The following CCT5 variants were observed in gnomAD, a reference collection of about 807,000 sequenced individuals.
CCT5 encodes chaperonin containing TCP1 subunit 5.
CCT5 carries 6 observed loss-of-function variants against 55.0 expected under a neutral mutation model. The ratio of observed to expected loss-of-function variants is 0.11; its 90% CI spans 0.06 to 0.22. The LOEUF is 0.22. Among genes scored for constraint, CCT5 ranks in the 10% least tolerant of loss-of-function variants. The pLI is 1.00. For synonymous variants in CCT5, 231 were observed against 243.7 expected (o/e 0.95, Z 0.49); for missense variants, 560 against 694.6 (o/e 0.81, Z 2.18).
In CCT5 at chr5:10,254,183, G is replaced by A; in HGVS notation, c.144G>A (p.Met48Ile). The A allele has an allele frequency of 6.2e-7, 1 of 1,609,486 alleles. No homozygotes were observed. Reference sequence around the variant, plus strand: ...CAGCAAAGGCTGTAGCAAATACAATGAGAACATCACTTGGACCAAATGGTA... The same window carrying A: ...CAGCAAAGGCTGTAGCAAATACAATAAGAACATCACTTGGACCAAATGGTA... ...IMAAKAVANT[M>I]RTSLGPNGLD... Residue 48 changes from methionine to isoleucine, a missense_variant, in exon 2 of 11, where the codon ATG (methionine) becomes ATA (isoleucine). Met to Ile is a conservative substitution (Grantham distance 10). Coordinates refer to ENST00000280326, the MANE Select transcript of CCT5 (RefSeq NM_012073.5).
intron 6 of CCT5, among the ~76,000 whole-genome samples, chr5:10,260,488 G>A (rs1745904676): frequency 6.6e-6 from 1 of 152,220 alleles, no homozygotes; most frequent in Non-Finnish European, 1.5e-5. Flanking sequence ...GGGGAAGGGT[G>A]TTAGCTTTGT....
chr5:10,257,762 G>A (rs1579451330), intron 4 of CCT5: 1 of 350,002 alleles, frequency 2.9e-6, no homozygotes, highest in East Asian at 7.1e-5. Context: ...TTGTAAAATA[G>A]TAACAGTATT....
At chr5:10,263,341 G>GGA in intron 10 of CCT5, 27 bp downstream of exon 10, 1 of 1,589,190 alleles carries the variant, frequency 6.3e-7, no homozygotes, top group Non-Finnish European at 8.6e-7. Flanking sequence ...CCTCTGCGTG[G>GGA]AGGGGGGGGG....
At position 10,264,898 on chromosome 5, in the gene CCT5, A is replaced by G; in HGVS notation, c.*115A>G. On this transcript the variant is annotated 3_prime_UTR_variant, in exon 11 of 11. Transcript: ENST00000280326. ...TCCTTTTCCAGACACTGTAGATGCT[A>G]TAATAAAAATAGCTGTTTGGTAACC... is the stretch of plus-strand genomic sequence containing the variant. 1.5e-6 allele frequency: 2 copies of G among 1,342,880 alleles called. No individual in the cohort carries two copies. Among genetic ancestry groups the G allele is most frequent in the South Asian group, 1.3e-5 (1 of 77,806 alleles). 83.2% of individuals were successfully genotyped at this position (1,342,880 alleles called of 1,614,324 possible). A position where few individuals can be genotyped will look rare whatever the true frequency, so the allele number is the denominator to read the frequency against.
In CCT5 at chr5:10,262,497, A is replaced by G; in HGVS notation, c.1196A>G (p.Lys399Arg). 1 of 1,614,194 alleles carries G rather than the reference A, an allele frequency of 6.2e-7. No individual in the cohort carries two copies. ...GGNKMIIEEA[K>R]RSLHDALCVI... is the part of the protein sequence containing the mutation. Reference sequence around the variant, plus strand: ...TTTCCTTAGATCATTGAGGAGGCGAAACGATCCCTTCACGATGCTTTGTGT... The same window carrying G: ...TTTCCTTAGATCATTGAGGAGGCGAGACGATCCCTTCACGATGCTTTGTGT... The change falls in exon 9 of 11, where the codon AAA becomes AGA. Residue 399 changes from lysine to arginine, a missense_variant. Lys to Arg is a conservative substitution (Grantham distance 26). Coordinates refer to ENST00000280326, the MANE Select transcript of CCT5 (RefSeq NM_012073.5).
intron 10 of CCT5, among the ~76,000 whole-genome samples, chr5:10,263,673 C>T (rs540908793): frequency 6.6e-6 from 1 of 152,156 alleles, no homozygotes; most frequent in Non-Finnish European, 1.5e-5. Flanking sequence ...GTTCACAGTT[C>T]ACTGTGTGGT....
At position 10,264,990 on chromosome 5, in the gene CCT5, T is replaced by C; in HGVS notation, c.*207T>C. The C allele has an allele frequency of 1.7e-6, 1 of 573,246 alleles. No individual in the cohort carries two copies. 35.5% of individuals were successfully genotyped at this position (573,246 alleles called of 1,614,324 possible). On this transcript the variant is annotated 3_prime_UTR_variant, in exon 11 of 11. Transcript: ENST00000280326. ...ATCTCAACTGCTTTTGTATTCATTG[T>C]ATTAAAAGAATCTGTTTAAACAACC...
rs917474421 is a variant in CCT5 at position 10,253,198 on chromosome 5, C to T, written c.106-947C>T. 2.8e-4 allele frequency among the ~76,000 whole-genome samples: 43 copies of T among 152,164 alleles called. 1 individual carries two copies. The highest frequency in any genetic ancestry group is 9.9e-4 in the African/African-American group (41 of 41,506). On this transcript the variant is annotated intron_variant, in intron 1 of 10. Transcript: ENST00000280326. ...AAAAAAAATGAGCAGGGCGTCATGGCGCGTGCCTGTAATCCCAGCTACTGG... is the reference window on the plus strand; with the variant it reads ...AAAAAAAATGAGCAGGGCGTCATGGTGCGTGCCTGTAATCCCAGCTACTGG...
chr5:10,264,899 T>A lies in CCT5; in HGVS notation c.*116T>A. On this transcript the variant is annotated 3_prime_UTR_variant, in exon 11 of 11. Transcript: ENST00000280326. Reference sequence around the variant, plus strand: ...CCTTTTCCAGACACTGTAGATGCTATAATAAAAATAGCTGTTTGGTAACCA... The same window carrying A: ...CCTTTTCCAGACACTGTAGATGCTAAAATAAAAATAGCTGTTTGGTAACCA... 7.4e-7 allele frequency: 1 copy of A among 1,343,734 alleles called. No individual in the cohort carries two copies. Among genetic ancestry groups the A allele is most frequent in the Non-Finnish European group, 1.0e-6 (1 of 959,024 alleles). 83.2% of individuals were successfully genotyped at this position (1,343,734 alleles called of 1,614,324 possible). A position where few individuals can be genotyped will look rare whatever the true frequency, so the allele number is the denominator to read the frequency against.
Position 10,264,713 on chromosome 5 carries a change from T to A in CCT5, c.1556T>A (p.Leu519His). 1 of 1,613,830 alleles carries A rather than the reference T, an allele frequency of 6.2e-7. No homozygotes were observed. Residue 519 changes from leucine to histidine, a missense_variant, in exon 11 of 11, where the codon CTT (leucine) becomes CAT (histidine). By Grantham distance (99) the Leu-to-His change is moderately conservative. This residue lies in a region of CCT5 where 115 missense variants were observed against 105.0 expected (regional missense o/e 1.10). Coordinates refer to ENST00000280326, the MANE Select transcript of CCT5 (RefSeq NM_012073.5). ...ATTGGCAAAAAGCAACAGATATCTCTTGCAACACAAATGGTTAGAATGATT... is the reference window on the plus strand; with the variant it reads ...ATTGGCAAAAAGCAACAGATATCTCATGCAACACAAATGGTTAGAATGATT... ...TLIGKKQQIS[L>H]ATQMVRMILK...
chr5:10,250,729 ACCGCCTCCCCGC>A, intron 1 of CCT5: 1 of 1,262,512 alleles, frequency 7.9e-7, no homozygotes, highest in Non-Finnish European at 1.0e-6. Flanking sequence ...GCAAAGCGGG[ACCGCCTCCCCGC>A]CCGGCTCCTC....
intron 4 of CCT5, chr5:10,257,842 A>G (rs1161773446): frequency 5.0e-5 from 25 of 498,308 alleles, no homozygotes; most frequent in Non-Finnish European, 8.4e-5. Flanking sequence ...GAGTACATTC[A>G]TAATGGAAGG....
chr5:10,254,303 C>T, intron 2 of CCT5, 98 bp downstream of exon 2: 1 of 895,010 alleles, frequency 1.1e-6, no homozygotes. Flanking sequence ...TGAGGGGAGG[C>T]ATCTTACTTC....
chr5:10,255,190 A>C (rs1445858723), intron 3 of CCT5, among the ~76,000 whole-genome samples: 1 of 152,198 alleles, frequency 6.6e-6, no homozygotes, highest in Non-Finnish European at 1.5e-5. Context: ...ATTATATTGC[A>C]GATGTGTAGG....
chr5:10,254,988 C>A, intron 3 of CCT5, 150 bp downstream of exon 3: 1 of 631,080 alleles, frequency 1.6e-6, no homozygotes, highest in Non-Finnish European at 2.8e-6. Flanking sequence ...AAATGTCGGA[C>A]TTTCAAAACT....
chr5:10,257,694 T>G (rs561819733), intron 4 of CCT5, among the ~76,000 whole-genome samples: 1 of 152,212 alleles, frequency 6.6e-6, no homozygotes, highest in South Asian at 2.1e-4. Context: ...CTACACTTCA[T>G]TGAGATAAGA....
chr5:10,265,029 C>T lies in CCT5; in HGVS notation c.*246C>T, dbSNP rs1418780865. 4.0e-5 allele frequency: 18 copies of T among 444,974 alleles called. No homozygotes were observed. Among genetic ancestry groups the T allele is most frequent in the African/African-American group, 7.9e-5 (4 of 50,366 alleles). The allele number at this position is 444,974 out of a possible 1,614,324, so 27.6% of individuals were successfully genotyped here. The stretch of plus-strand genomic sequence containing the variant: ...GTTTAAACAACCTTTATCTTCTCTT[C>T]GGGTTTAAGAAACGTTTATTGTAAC... On this transcript the variant is annotated 3_prime_UTR_variant, in exon 11 of 11. Transcript: ENST00000280326.
chr5:10,254,877 G>A lies in CCT5; in HGVS notation c.331+39G>A, dbSNP rs776707717. The A allele has an allele frequency of 8.4e-6, 13 of 1,556,600 alleles. No homozygotes were observed. In the East Asian group the frequency reaches 1.3e-4, roughly 16 times the overall value. ...AAACATCCTTTCTCATTTAAGAGAC[G>A]TCATTTAAGACCACAGGGCTAACAT... is the stretch of plus-strand genomic sequence containing the variant. On this transcript the variant is annotated intron_variant, in intron 3 of 10. Coordinates refer to ENST00000280326, the MANE Select transcript of CCT5 (RefSeq NM_012073.5).
At chr5:10,258,086 G>A (rs932840381) in intron 4 of CCT5, 25 bp from the exon 5 acceptor site, 6 of 1,612,662 alleles carry the variant, frequency 3.7e-6, no homozygotes, top group East Asian at 4.5e-5. Flanking sequence ...AACCAATGAA[G>A]TTTGTTTTGT....
Sources: allele counts gnomAD v4.1 joint callset (sites outside exome capture counted in the v4.1 genomes callset), GRCh38; gene constraint gnomAD v4.1.1; regional missense constraint gnomAD v4.1.1; transcripts MANE v1.5; gene names NCBI Gene and HGNC (gene_info 2026-07-23, HGNC 2026-07-21).